RAP1GAP2: variants seen among roughly 807,000 people sequenced by gnomAD.
RAP1GAP2 encodes RAP1 GTPase activating protein 2, also known as rap1 GTPase-activating protein 2.
In RAP1GAP2, 27 loss-of-function variants were observed where a neutral mutation model predicts 95.0. The ratio of observed to expected loss-of-function variants is 0.28; its 90% CI spans 0.21 to 0.39. The LOEUF (loss-of-function observed/expected upper bound fraction) is 0.39, where lower values mean the gene tolerates loss of function less well. Among genes scored for constraint, RAP1GAP2 ranks in the 10% least tolerant of loss-of-function variants. The probability of loss-of-function intolerance (pLI) is 1.00; values close to 1 mark genes in which losing one functional copy is unlikely to be tolerated. For synonymous variants in RAP1GAP2, 373 were observed against 380.9 expected (o/e 0.98, Z 0.24); for missense variants, 771 against 970.0 (o/e 0.79, Z 2.72).
At chr17:2,987,361 A>T (rs1054371280) in intron 11 of RAP1GAP2, among the ~76,000 whole-genome samples, 39 of 152,184 alleles carry the variant, frequency 2.6e-4, no homozygotes, top group African/African-American at 9.2e-4. Context: ...TTTATTTTTT[A>T]TTTTTATTTT....
rs530564399 is a variant in RAP1GAP2, at chr17:2,918,214, T to A, written c.165+12846T>A. Among the ~76,000 whole-genome samples, 3 of 151,870 alleles carry A rather than the reference T, an allele frequency of 2.0e-5. No homozygotes were observed. The South Asian group carries it at 6.2e-4, about 32-fold the overall frequency. On this transcript the variant is annotated intron_variant, in intron 3 of 24. Coordinates refer to ENST00000254695, the MANE Select transcript of RAP1GAP2 (RefSeq NM_015085.5). ...ACTTTGGAAGGCTGAGGCGGGCAGATCATGAGGTCAGGAGTTCAAGACCAG... is the reference window on the plus strand; with the variant it reads ...ACTTTGGAAGGCTGAGGCGGGCAGAACATGAGGTCAGGAGTTCAAGACCAG...
chr17:2,894,879 C>T (rs1597540875), intron 2 of RAP1GAP2, among the ~76,000 whole-genome samples: 1 of 152,194 alleles, frequency 6.6e-6, no homozygotes, highest in East Asian at 1.9e-4. Context: ...CCTGGCCCCT[C>T]CCTTCCAGCC....
chr17:3,008,150 G>A lies in RAP1GAP2; in HGVS notation c.1494+5G>A. On this transcript the variant is annotated splice_donor_5th_base_variant and intron_variant, in intron 17 of 24. Transcript: ENST00000254695. This position sits in a 1 kb window ranked among gnomAD's most constrained non-coding sequence, Gnocchi z 4.2. Reference sequence around the variant, plus strand: ...GGGTTCCTGGAGTCTTTTAAGGTATGAGCGTCAGAGTGACTGATGGTTGCT... The same window carrying A: ...GGGTTCCTGGAGTCTTTTAAGGTATAAGCGTCAGAGTGACTGATGGTTGCT... The A allele has an allele frequency of 1.9e-6, 3 of 1,613,888 alleles. No individual in the cohort carries two copies. The highest frequency in any genetic ancestry group is 2.5e-6 in the Non-Finnish European group (3 of 1,179,828).
intron 3 of RAP1GAP2, among the ~76,000 whole-genome samples, chr17:2,927,289 G>A (rs1467903401): frequency 6.6e-6 from 1 of 151,944 alleles, no homozygotes; most frequent in Non-Finnish European, 1.5e-5. Flanking sequence ...GAGTAGCTGG[G>A]ACTACAGGCA....
intron 20 of RAP1GAP2, 31 bp from the exon 21 acceptor site, chr17:3,026,310 GCGTGTGACC>G (rs1435381225): frequency 6.7e-7 from 1 of 1,500,166 alleles, no homozygotes; most frequent in East Asian, 2.5e-5. Context: ...GAGGGCTCTC[GCGTGTGACC>G]CGGGCTGGCC....
chr17:2,971,233 T>C (rs1487631712), intron 8 of RAP1GAP2, among the ~76,000 whole-genome samples: 1 of 152,078 alleles, frequency 6.6e-6, no homozygotes, highest in Non-Finnish European at 1.5e-5. Flanking sequence ...AATAACAAAA[T>C]AATGATTTAA....
intron 19 of RAP1GAP2, among the ~76,000 whole-genome samples, chr17:3,024,365 A>G (rs1033491993): frequency 1.3e-5 from 2 of 152,208 alleles, no homozygotes; most frequent in Non-Finnish European, 2.9e-5. Flanking sequence ...CACCTCTAGG[A>G]TGGCTTTAAT....
chr17:2,896,041 C>T (rs530460153), intron 2 of RAP1GAP2, among the ~76,000 whole-genome samples: 2 of 152,262 alleles, frequency 1.3e-5, no homozygotes, highest in Non-Finnish European at 2.9e-5. Flanking sequence ...CTGGCCTCTT[C>T]TCTAGGCCTA....
In RAP1GAP2 at chr17:2,796,662, G is replaced by C; in HGVS notation, c.44+91G>C. The C allele has an allele frequency of 1.4e-6, 2 of 1,438,296 alleles. No individual in the cohort carries two copies. The highest frequency in any genetic ancestry group is 2.4e-5 in the South Asian group (2 of 81,668). 89.1% of individuals were successfully genotyped at this position (1,438,296 alleles called of 1,614,324 possible). A position where few individuals can be genotyped will look rare whatever the true frequency, so the allele number is the denominator to read the frequency against. On this transcript the variant is annotated intron_variant, in intron 1 of 24. Transcript: ENST00000254695. The surrounding 1 kb of genome is among the most constrained non-coding windows in gnomAD (Gnocchi z 4.7). ...GCATTGGCGGCCGTGGGAACAGAGG[G>C]GCTCGGGCTGTGCCTGAGAGCTGGG...
chr17:2,905,490 C>T, intron 3 of RAP1GAP2, 122 bp downstream of exon 3: 2 of 902,024 alleles, frequency 2.2e-6, no homozygotes, highest in Non-Finnish European at 1.7e-6. Context: ...AGTGTCCTGA[C>T]ACCTCGGAGG....
In RAP1GAP2 at chr17:2,963,856, G is replaced by A. The variant is rs751009551; in HGVS notation, c.280G>A (p.Val94Ile). The stretch of plus-strand genomic sequence containing the variant: ...CGCACGACCCTCCCTCTGCCTTCAG[G>A]TTGTGGAGAAGGGAGGCCCGTACCC... Reference protein sequence around the residue: ...DYIPYPSIDEVVEKGGPYPQV... With the variant: ...DYIPYPSIDEIVEKGGPYPQV... The change falls in exon 7 of 25, where the codon GTT becomes ATT. Residue 94 changes from valine to isoleucine, a missense_variant and splice_region_variant. By Grantham distance (29) the Val-to-Ile change is conservative (BLOSUM62 3). Transcript: ENST00000254695. The surrounding 1 kb of genome is among the most constrained non-coding windows in gnomAD (Gnocchi z 4.8). 1 of 1,597,742 alleles carries A rather than the reference G, an allele frequency of 6.3e-7. No individual in the cohort carries two copies. Among genetic ancestry groups the A allele is most frequent in the Non-Finnish European group, 8.5e-7 (1 of 1,172,002 alleles).
At chr17:2,945,594 G>A (rs1471692976) in intron 3 of RAP1GAP2, among the ~76,000 whole-genome samples, 1 of 151,244 alleles carries the variant, frequency 6.6e-6, no homozygotes, top group Non-Finnish European at 1.5e-5. Flanking sequence ...CACTGAGTAT[G>A]ATGTTAGCTA....
intron 3 of RAP1GAP2, among the ~76,000 whole-genome samples, chr17:2,927,202 G>A (rs2042985407): frequency 6.6e-6 from 1 of 151,102 alleles, no homozygotes; most frequent in Admixed American, 6.6e-5. Flanking sequence ...CACCCAGGCT[G>A]GAGTGCAGTG....
chr17:2,871,714 G>A lies in RAP1GAP2; in HGVS notation c.81-33570G>A, dbSNP rs2072853222. 6.6e-6 allele frequency among the ~76,000 whole-genome samples: 1 copy of A among 152,164 alleles called. No individual in the cohort carries two copies. The highest frequency in any genetic ancestry group is 1.5e-5 in the Non-Finnish European group (1 of 68,022). Reference sequence around the variant, plus strand: ...TGGGCAGTACAGTTTGGCAGTAGCTGTCTCCATTATCCATGCTATCCTCCT... The same window carrying A: ...TGGGCAGTACAGTTTGGCAGTAGCTATCTCCATTATCCATGCTATCCTCCT... On this transcript the variant is annotated intron_variant, in intron 2 of 24. Transcript: ENST00000254695. The surrounding 1 kb of genome is among the most constrained non-coding windows in gnomAD (Gnocchi z 5.0).
chr17:2,763,679 CAGAG>C (rs1215639623), intron 1 of RAP1GAP2, among the ~76,000 whole-genome samples: 3 of 151,192 alleles, frequency 2.0e-5, no homozygotes, highest in Non-Finnish European at 4.4e-5. Context: ...CTGGGTGACA[CAGAG>C]AGACTCTGTC....
chr17:2,850,858 C>T (rs1263183120), intron 2 of RAP1GAP2, among the ~76,000 whole-genome samples: 1 of 151,816 alleles, frequency 6.6e-6, no homozygotes, highest in African/African-American at 2.4e-5. Context: ...GTCAGGAGTT[C>T]GAGATCAGCC....
upstream of RAP1GAP2, among the ~76,000 whole-genome samples, chr17:2,772,827 C>A (rs868557581): frequency 6.8e-6 from 1 of 147,012 alleles, no homozygotes; most frequent in South Asian, 2.2e-4. Context: ...GGAAAAGGGG[C>A]GTAATTTCTT....
intron 2 of RAP1GAP2, among the ~76,000 whole-genome samples, chr17:2,864,077 G>T (rs1471945382): frequency 1.2e-5 from 1 of 85,770 alleles, no homozygotes; most frequent in Non-Finnish European, 2.3e-5. Flanking sequence ...AACAGTGGCG[G>T]CGGGAGCCCC....
chr17:2,862,870 G>A (rs555433643), intron 2 of RAP1GAP2, among the ~76,000 whole-genome samples: 1 of 151,950 alleles, frequency 6.6e-6, no homozygotes, highest in African/African-American at 2.4e-5. Flanking sequence ...GGTGGCGTGC[G>A]CCTGTAATCT....
Sources: allele counts gnomAD v4.1 joint callset (sites outside exome capture counted in the v4.1 genomes callset), GRCh38; gene constraint gnomAD v4.1.1; non-coding constraint Gnocchi (gnomAD v3.1); transcripts MANE v1.5; gene names NCBI Gene and HGNC (gene_info 2026-07-23, HGNC 2026-07-21).